NTM: variants seen among roughly 807,000 people sequenced by gnomAD.
NTM encodes the protein neurotrimin, also known as IgLON family member 2.
A neutral mutation model predicts 42.1 loss-of-function variants in NTM; 13 were observed. That is an observed-to-expected ratio of 0.31 (90% CI 0.20 to 0.49). The LOEUF is 0.49. Among genes scored for constraint, NTM ranks in the 20% least tolerant of loss-of-function variants. The pLI is 0.99. For missense variants in NTM, 373 were observed against 452.8 expected (o/e 0.82, Z 1.60); for synonymous variants, 187 against 179.2 (o/e 1.04, Z -0.35).
intron 2 of NTM, among the ~76,000 whole-genome samples, chr11:132,133,506 T>C (rs529962107): frequency 6.6e-6 from 1 of 152,298 alleles, no homozygotes; most frequent in South Asian, 2.1e-4. Flanking sequence ...GATAACTGCC[T>C]GAAGTGAAGT....
At chr11:131,643,099 G>A (rs2065336586) in intron 1 of NTM, among the ~76,000 whole-genome samples, 1 of 151,686 alleles carries the variant, frequency 6.6e-6, no homozygotes, top group Admixed American at 6.6e-5. Flanking sequence ...TGGTTGAGGG[G>A]AAAAGAGAGA....
At chr11:132,290,652 A>G (rs1424376083) in intron 4 of NTM, among the ~76,000 whole-genome samples, 1 of 152,246 alleles carries the variant, frequency 6.6e-6, no homozygotes, top group Non-Finnish European at 1.5e-5. Context: ...AGATACAGAA[A>G]TACTATCTCT....
At chr11:131,556,263 T>G (rs918621652) in intron 1 of NTM, among the ~76,000 whole-genome samples, 1 of 152,174 alleles carries the variant, frequency 6.6e-6, no homozygotes, top group Non-Finnish European at 1.5e-5. Context: ...AAGTTACAAC[T>G]ACCTCTCCCC....
At chr11:132,299,927 TATAAA>T (rs1458869600) in intron 4 of NTM, among the ~76,000 whole-genome samples, 1 of 151,892 alleles carries the variant, frequency 6.6e-6, no homozygotes, top group Non-Finnish European at 1.5e-5. Context: ...TATATATAGA[TATAAA>T]ATATATTTAT....
chr11:132,053,308 T>C (rs1040437500), intron 2 of NTM, among the ~76,000 whole-genome samples: 40 of 152,244 alleles, frequency 2.6e-4, no homozygotes, highest in African/African-American at 9.4e-4. Flanking sequence ...CCAGGTAAAA[T>C]GGTCATTCTT....
intron 4 of NTM, among the ~76,000 whole-genome samples, chr11:132,266,940 C>A (rs1173441140): frequency 1.3e-5 from 2 of 152,118 alleles, no homozygotes; most frequent in East Asian, 3.9e-4. Context: ...AGACTACAAG[C>A]ATTAGAGGTT....
chr11:131,926,683 A>G (rs533562553), intron 2 of NTM, among the ~76,000 whole-genome samples: 1 of 152,206 alleles, frequency 6.6e-6, no homozygotes, highest in South Asian at 2.1e-4. Context: ...TAAAAATCCC[A>G]CATAAGCAAG....
chr11:131,699,909 G>GGT (rs10577927), intron 1 of NTM, among the ~76,000 whole-genome samples: 6,393 of 130,362 alleles, frequency 0.049, 154 homozygotes, highest in Non-Finnish European at 0.054. Flanking sequence ...CAAAGCAGCA[G>GGT]GTGTGTGTGT....
At chr11:131,497,656 A>G (rs1955494128) in intron 1 of NTM, among the ~76,000 whole-genome samples, 1 of 152,214 alleles carries the variant, frequency 6.6e-6, no homozygotes, top group African/African-American at 2.4e-5. Flanking sequence ...TTCCTTTAAA[A>G]TTCAAGAGGG....
chr11:131,874,030 A>AATATAATATAATATAATATATAT (rs1491528420), intron 1 of NTM, among the ~76,000 whole-genome samples: 13 of 76,626 alleles, frequency 1.7e-4, no homozygotes, highest in African/African-American at 4.8e-4. Flanking sequence ...AATATAATAT[A>AATATAATATAATATAATATATAT]ATATATATAT....
At chr11:132,048,818 CTTTTTTT>C (rs10563617) in intron 2 of NTM, among the ~76,000 whole-genome samples, 7 of 133,000 alleles carry the variant, frequency 5.3e-5, no homozygotes, top group Non-Finnish European at 9.6e-5. Flanking sequence ...TTTCTTTTTT[CTTTTTTT>C]TTTTTTTTTT....
At chr11:132,011,205 CTTGATA>C (rs139165655) in intron 2 of NTM, among the ~76,000 whole-genome samples, 12,859 of 152,106 alleles carry the variant, frequency 0.085, 721 homozygotes, top group Non-Finnish European at 0.13. Flanking sequence ...GAAAATTCTA[CTTGATA>C]TTGATACTAT....
At chr11:132,082,210 C>A (rs1181368612) in intron 2 of NTM, among the ~76,000 whole-genome samples, 1 of 151,970 alleles carries the variant, frequency 6.6e-6, no homozygotes, top group Non-Finnish European at 1.5e-5. Context: ...CAGCTAAATC[C>A]AGTTCTTGTT....
chr11:132,084,746 T>C (rs753306966), intron 2 of NTM, among the ~76,000 whole-genome samples: 4 of 152,240 alleles, frequency 2.6e-5, no homozygotes, highest in Admixed American at 6.5e-5. Flanking sequence ...TTTCTTTCTT[T>C]TCCTTGGTAG....
chr11:131,960,700 T>C (rs915858531), intron 2 of NTM, among the ~76,000 whole-genome samples: 2 of 152,236 alleles, frequency 1.3e-5, no homozygotes, highest in African/African-American at 4.8e-5. Flanking sequence ...AGAGGATTTA[T>C]GGAGTGGTTC....
At chr11:131,670,387 CTT>C (rs796302763) in intron 1 of NTM, among the ~76,000 whole-genome samples, 6 of 151,762 alleles carry the variant, frequency 4.0e-5, no homozygotes, top group East Asian at 3.9e-4. Context: ...TCCTTTCTTT[CTT>C]TTTCTTTCTT....
chr11:132,102,086 T>G (rs1448116396), intron 2 of NTM, among the ~76,000 whole-genome samples: 2 of 152,232 alleles, frequency 1.3e-5, no homozygotes, highest in Non-Finnish European at 2.9e-5. Context: ...GTATTTTGCC[T>G]GCAGTAGCCT....
intron 2 of NTM, among the ~76,000 whole-genome samples, chr11:132,092,519 A>G (rs992321782): frequency 6.6e-6 from 1 of 152,118 alleles, no homozygotes; most frequent in Non-Finnish European, 1.5e-5. Flanking sequence ...CCTGTCTTTC[A>G]TGGTGTTCTT....
intron 4 of NTM, among the ~76,000 whole-genome samples, chr11:132,303,294 GCT>G (rs1336828645): frequency 6.6e-6 from 1 of 152,212 alleles, no homozygotes; most frequent in Non-Finnish European, 1.5e-5. Context: ...GTTGGACCAT[GCT>G]CTCTCTGACA....
Sources: allele counts gnomAD v4.1 joint callset (sites outside exome capture counted in the v4.1 genomes callset), GRCh38; gene constraint gnomAD v4.1.1; transcripts MANE v1.5; gene names NCBI Gene and HGNC (gene_info 2026-07-23, HGNC 2026-07-21).